The following SLC44A5 variants were observed in gnomAD, a reference collection of about 807,000 sequenced individuals.
The protein encoded by SLC44A5 is solute carrier family 44 member 5.
Under a neutral mutation model 101.8 loss-of-function variants are expected in SLC44A5, and 57 were observed. The ratio of observed to expected loss-of-function variants is 0.56; its 90% CI spans 0.45 to 0.70. SLC44A5 has a LOEUF of 0.70. Ranked by LOEUF, SLC44A5 falls within the 30% of genes least tolerant of loss-of-function variation. The pLI, the probability that SLC44A5 is intolerant of heterozygous loss-of-function variation, is 0.00. For synonymous variants in SLC44A5, 281 were observed against 290.9 expected (o/e 0.97, Z 0.35); for missense variants, 737 against 853.1 (o/e 0.86, Z 1.70).
chr1:75,573,873 G>T (rs1274648606), intron 1 of SLC44A5, among the ~76,000 whole-genome samples: 1 of 151,840 alleles, frequency 6.6e-6, no homozygotes, highest in Non-Finnish European at 1.5e-5. Flanking sequence ...ACAATGTTTT[G>T]GCCACACTGA....
At chr1:75,606,042 C>T (rs945082678) in intron 1 of SLC44A5, among the ~76,000 whole-genome samples, 9 of 151,966 alleles carry the variant, frequency 5.9e-5, no homozygotes, top group Non-Finnish European at 1.3e-4. Flanking sequence ...CAAAATATCT[C>T]CAGACACTGT....
At chr1:75,675,356 T>TTCC in the SLC44A5 span, among the ~76,000 whole-genome samples, 1 of 152,186 alleles carries the variant, frequency 6.6e-6, no homozygotes, top group African/African-American at 2.4e-5. Flanking sequence ...CCTAGGTGTT[T>TTCC]TATTCTCTTT....
chr1:75,646,391 G>A, the SLC44A5 span, among the ~76,000 whole-genome samples: 2 of 151,976 alleles, frequency 1.3e-5, no homozygotes, highest in African/African-American at 4.8e-5. Context: ...TCTCTTTGAA[G>A]CAATTGTGAA....
chr1:75,517,695 G>T (rs571739325), intron 2 of SLC44A5, among the ~76,000 whole-genome samples: 1 of 152,150 alleles, frequency 6.6e-6, no homozygotes, highest in Admixed American at 6.5e-5. Context: ...GAAGCAAAAG[G>T]CTTGAAAAAG....
At chr1:75,374,790 A>T (rs1178868392) in intron 3 of SLC44A5, among the ~76,000 whole-genome samples, 1 of 152,232 alleles carries the variant, frequency 6.6e-6, no homozygotes, top group Non-Finnish European at 1.5e-5. Context: ...AAAAGCACAT[A>T]GAAATGAAGC....
chr1:75,651,583 G>T, the SLC44A5 span, among the ~76,000 whole-genome samples: 12 of 151,746 alleles, frequency 7.9e-5, no homozygotes, highest in Admixed American at 1.3e-4. Flanking sequence ...TGTAGTCCCA[G>T]CTACTCGGGA....
chr1:75,342,792 A>G (rs1224870126), intron 3 of SLC44A5, among the ~76,000 whole-genome samples: 1 of 152,170 alleles, frequency 6.6e-6, no homozygotes, highest in African/African-American at 2.4e-5. Flanking sequence ...ATGAAATGCC[A>G]TTGTCGAATC....
At chr1:75,304,883 A>G (rs1654784650) in intron 4 of SLC44A5, among the ~76,000 whole-genome samples, 1 of 152,048 alleles carries the variant, frequency 6.6e-6, no homozygotes, top group Non-Finnish European at 1.5e-5. Context: ...ACAGTTGCCC[A>G]ACTCTCTCCC....
intron 2 of SLC44A5, among the ~76,000 whole-genome samples, chr1:75,477,162 A>G (rs557462289): frequency 3.6e-4 from 55 of 152,340 alleles, no homozygotes; most frequent in African/African-American, 1.3e-3. Flanking sequence ...GTGGACCCCT[A>G]GCAAACTCCA....
At chr1:75,359,654 C>T (rs1178380071) in intron 3 of SLC44A5, among the ~76,000 whole-genome samples, 1 of 152,108 alleles carries the variant, frequency 6.6e-6, no homozygotes, top group Non-Finnish European at 1.5e-5. Flanking sequence ...AACTCTATAA[C>T]ATATTGATTT....
At chr1:75,232,674 A>AT (rs1350857440) in intron 12 of SLC44A5, among the ~76,000 whole-genome samples, 1 of 152,102 alleles carries the variant, frequency 6.6e-6, no homozygotes, top group African/African-American at 2.4e-5. Flanking sequence ...ATGCATACTG[A>AT]TTGTCAGCTG....
chr1:75,492,516 C>T (rs1272033961), intron 2 of SLC44A5, among the ~76,000 whole-genome samples: 2 of 151,994 alleles, frequency 1.3e-5, no homozygotes, highest in African/African-American at 4.8e-5. Context: ...AGGACACAGT[C>T]CTTTACCACA....
intron 5 of SLC44A5, among the ~76,000 whole-genome samples, chr1:75,294,687 T>C (rs1047979314): frequency 2.6e-5 from 4 of 152,098 alleles, no homozygotes; most frequent in African/African-American, 9.7e-5. Context: ...AAATGGAATA[T>C]TTTCAAGCCT....
intron 4 of SLC44A5, among the ~76,000 whole-genome samples, chr1:75,331,474 C>A (rs1455390826): frequency 6.6e-6 from 1 of 152,148 alleles, no homozygotes; most frequent in South Asian, 2.1e-4. Context: ...CTATACAAGT[C>A]TCTCTATTTC....
the SLC44A5 span, among the ~76,000 whole-genome samples, chr1:75,660,410 T>G: frequency 6.6e-6 from 1 of 152,104 alleles, no homozygotes; most frequent in African/African-American, 2.4e-5. Flanking sequence ...GCCCTTCCTC[T>G]AATACCTGGA....
At chr1:75,627,173 A>T in the SLC44A5 span, among the ~76,000 whole-genome samples, 1 of 152,044 alleles carries the variant, frequency 6.6e-6, no homozygotes. Flanking sequence ...TATCATTAAG[A>T]TTTATTTCAT....
intron 3 of SLC44A5, among the ~76,000 whole-genome samples, chr1:75,356,375 T>G (rs1456237881): frequency 1.3e-5 from 2 of 151,954 alleles, no homozygotes; most frequent in African/African-American, 4.8e-5. Flanking sequence ...AGGCCTAGGC[T>G]AACATGTATG....
Position 75,367,153 on chromosome 1 carries a change from T to C in SLC44A5, c.53-27523A>G, listed in dbSNP as rs905320358. 5.9e-5 allele frequency among the ~76,000 whole-genome samples: 9 copies of C among 152,314 alleles called. No homozygotes were observed. The East Asian group carries it at 1.4e-3, about 23-fold the overall frequency. On this transcript the variant is annotated intron_variant, in intron 3 of 23. Transcript: ENST00000370859. ...GAGCACTGGAAGAGATAAAGACCTC[T>C]TTCAGTCTTTACAACCACTTTCAGC...
the SLC44A5 span, among the ~76,000 whole-genome samples, chr1:75,631,166 T>C: frequency 3.9e-5 from 6 of 152,206 alleles, no homozygotes; most frequent in Admixed American, 2.6e-4. Context: ...TTATGTAGAC[T>C]AGAGAGGAGT....
Sources: allele counts gnomAD v4.1 joint callset (sites outside exome capture counted in the v4.1 genomes callset), GRCh38; gene constraint gnomAD v4.1.1; transcripts MANE v1.5; gene names NCBI Gene and HGNC (gene_info 2026-07-23, HGNC 2026-07-21).